BTBD16: variants seen among roughly 807,000 people sequenced by gnomAD.
BTBD16 encodes the protein BTB domain containing 16, also known as BTB/POZ domain-containing protein 16.
A neutral mutation model predicts 67.4 loss-of-function variants in BTBD16; 66 were observed. The observed-to-expected ratio is 0.98, with a 90% CI of 0.80 to 1.20. The LOEUF (loss-of-function observed/expected upper bound fraction) is 1.20. Among genes scored for constraint, BTBD16 ranks in the 50% most tolerant of loss-of-function variants. The pLI is 0.00. For missense variants in BTBD16, 634 were observed against 616.0 expected (o/e 1.03, Z -0.31); for synonymous variants, 242 against 236.4 (o/e 1.02, Z -0.22).
At chr10:122,291,396 A>G (rs1005878401) in intron 7 of BTBD16, 3 of 554,936 alleles carry the variant, frequency 5.4e-6, no homozygotes, top group African/African-American at 1.9e-5. Context: ...GCAACACGCT[A>G]GTTTTAACCA....
chr10:122,309,957 G>T (rs945425267), intron 10 of BTBD16, among the ~76,000 whole-genome samples: 15 of 148,444 alleles, frequency 1.0e-4, no homozygotes, highest in African/African-American at 3.7e-4. Context: ...TTTTTAGTAG[G>T]GGTGGGGTTT....
chr10:122,334,494 CTTTTTTTTTTTT>C (rs869262992), intron 13 of BTBD16, among the ~76,000 whole-genome samples: 3 of 43,256 alleles, frequency 6.9e-5, no homozygotes, highest in Admixed American at 4.0e-4. Context: ...CGTGCCCGGC[CTTTTTTTTTTTT>C]TTTTTTTTTT....
chr10:122,290,992 G>T lies in BTBD16; in HGVS notation c.476-88G>T, dbSNP rs1454651035. The T allele has an allele frequency of 2.8e-6, 4 of 1,412,178 alleles. No homozygotes were observed. The Admixed American group carries it at 1.0e-4, about 36-fold the overall frequency. 87.5% of individuals were successfully genotyped at this position (1,412,178 alleles called of 1,614,324 possible). On this transcript the variant is annotated intron_variant, in intron 6 of 15. Transcript: ENST00000260723. ...ATTTTCTCTAAGGGCACCTCTGCCT[G>T]CCCAGCTGCAGGAGTGAGGGAGGGC...
chr10:122,282,519 G>A (rs1338066439), intron 3 of BTBD16, among the ~76,000 whole-genome samples: 2 of 152,238 alleles, frequency 1.3e-5, no homozygotes, highest in Admixed American at 1.3e-4. Context: ...TGGTGAAGTT[G>A]ACACTGCATG....
intron 9 of BTBD16, among the ~76,000 whole-genome samples, chr10:122,304,550 C>CTTTTT (rs3037891): frequency 2.1e-5 from 2 of 95,466 alleles, no homozygotes; most frequent in Non-Finnish European, 4.0e-5. Context: ...AGCAGGTATT[C>CTTTTT]TTTTTTTTTT....
intron 3 of BTBD16, among the ~76,000 whole-genome samples, chr10:122,278,403 T>C (rs1314367618): frequency 1.3e-5 from 2 of 152,216 alleles, no homozygotes; most frequent in Non-Finnish European, 2.9e-5. Flanking sequence ...TTTCAAATGG[T>C]TATAGAGCAC....
intron 3 of BTBD16, among the ~76,000 whole-genome samples, chr10:122,282,815 G>A (rs1564957324): frequency 1.3e-5 from 2 of 152,218 alleles, no homozygotes; most frequent in East Asian, 3.8e-4. Context: ...GTTTTAAGGG[G>A]AAAATCCCAG....
At chr10:122,319,062 A>G (rs551828051) in intron 10 of BTBD16, among the ~76,000 whole-genome samples, 9 of 152,304 alleles carry the variant, frequency 5.9e-5, no homozygotes, top group Non-Finnish European at 1.3e-4. Context: ...CCTTTGGCCC[A>G]TATTTTTAAA....
chr10:122,312,318 T>C (rs1458871635), intron 10 of BTBD16, among the ~76,000 whole-genome samples: 34 of 140,124 alleles, frequency 2.4e-4, no homozygotes, highest in African/African-American at 7.2e-4. Flanking sequence ...TCTTTTTTTT[T>C]TTTTTTTTTT....
chr10:122,329,456 ATTC>A, intron 10 of BTBD16, 21 bp from the exon 11 acceptor site: 4 of 1,611,486 alleles, frequency 2.5e-6, no homozygotes, highest in Non-Finnish European at 3.4e-6. Flanking sequence ...AAGGTCTGTT[ATTC>A]TTCTTTATGC....
chr10:122,320,759 T>C (rs192265553), intron 10 of BTBD16, among the ~76,000 whole-genome samples: 1 of 152,332 alleles, frequency 6.6e-6, no homozygotes, highest in East Asian at 1.9e-4. Context: ...TTAGTTCTTT[T>C]AAATTATTGA....
chr10:122,334,352 C>T (rs1475824167), intron 13 of BTBD16, among the ~76,000 whole-genome samples: 5 of 151,394 alleles, frequency 3.3e-5, no homozygotes, highest in African/African-American at 7.3e-5. Context: ...CCCGCCACCA[C>T]GCCTGGCTAA....
intron 13 of BTBD16, chr10:122,333,080 C>A: frequency 2.2e-6 from 1 of 450,072 alleles, no homozygotes; most frequent in Non-Finnish European, 2.9e-6. Context: ...AGCAATTCTC[C>A]AAGAAATCAG....
At chr10:122,294,074 G>A (rs1276359954) in intron 7 of BTBD16, 6 of 961,866 alleles carry the variant, frequency 6.2e-6, no homozygotes, top group Non-Finnish European at 7.4e-6. Context: ...CTTGCCTGAA[G>A]CTGATGGGAC....
chr10:122,292,815 A>G (rs1424392479), intron 7 of BTBD16, among the ~76,000 whole-genome samples: 1 of 152,216 alleles, frequency 6.6e-6, no homozygotes, highest in East Asian at 1.9e-4. Flanking sequence ...GGGAATTCCT[A>G]ACTGGAAAAT....
intron 7 of BTBD16, among the ~76,000 whole-genome samples, chr10:122,294,505 G>A (rs1224636033): frequency 6.6e-6 from 1 of 152,250 alleles, no homozygotes; most frequent in Non-Finnish European, 1.5e-5. Context: ...AGCAGGGATT[G>A]TGGCTGTCAC....
intron 4 of BTBD16, among the ~76,000 whole-genome samples, chr10:122,285,180 A>C (rs370092891): frequency 1.3e-5 from 2 of 152,058 alleles, no homozygotes; most frequent in Admixed American, 6.6e-5. Flanking sequence ...CCTGTCTGGC[A>C]CTCAGATTGA....
In BTBD16 at chr10:122,326,389, C is replaced by T. The variant is rs76875056; in HGVS notation, c.912-3091C>T. On this transcript the variant is annotated intron_variant, in intron 10 of 15. Transcript: ENST00000260723. The stretch of plus-strand genomic sequence containing the variant: ...GCCACCGTTCTACTTTCTGTCTCTA[C>T]GAATTTGATGACTCTAGGTACCTCA... Among the ~76,000 whole-genome samples the T allele has an allele frequency of 3.7e-3, 569 of 152,268 alleles. 5 individuals carry two copies. The highest frequency in any genetic ancestry group is 0.011 in the African/African-American group (475 of 41,560).
chr10:122,320,995 T>C (rs10749461), intron 10 of BTBD16, among the ~76,000 whole-genome samples: 93,899 of 151,872 alleles, frequency 0.62, 30,454 homozygotes, highest in East Asian at 0.87. Flanking sequence ...TTTTCCAGCC[T>C]TTGTCTCCCT....
Sources: allele counts gnomAD v4.1 joint callset (sites outside exome capture counted in the v4.1 genomes callset), GRCh38; gene constraint gnomAD v4.1.1; transcripts MANE v1.5; gene names NCBI Gene and HGNC (gene_info 2026-07-23, HGNC 2026-07-21).